The following DSE variants were observed in gnomAD, a reference collection of about 807,000 sequenced individuals.
The protein encoded by DSE is dermatan sulfate epimerase, also known as dermatan-sulfate epimerase.
Under a neutral mutation model 84.4 loss-of-function variants are expected in DSE, and 36 were observed. The observed-to-expected ratio is 0.43, with a 90% CI of 0.33 to 0.56. The LOEUF is 0.56. Among genes scored for constraint, DSE ranks in the 20% least tolerant of loss-of-function variants. The pLI, the probability that DSE is intolerant of heterozygous loss-of-function variation, is 0.06. For synonymous variants in DSE, 410 were observed against 430.1 expected (o/e 0.95, Z 0.58); for missense variants, 862 against 1,169.6 (o/e 0.74, Z 3.84).
chr6:116,279,177 T>C (rs148897156), intron 2 of DSE: 19 of 1,612,726 alleles, frequency 1.2e-5, no homozygotes, highest in Non-Finnish European at 1.6e-5. Context: ...GCCAGGGCCC[T>C]TCTTCCTCCC....
intron 1 of DSE, among the ~76,000 whole-genome samples, chr6:116,384,673 C>T (rs1361440549): frequency 6.6e-6 from 1 of 152,164 alleles, no homozygotes; most frequent in South Asian, 2.1e-4. Context: ...AGCTGTATAA[C>T]TATATGTTTA....
intron 2 of DSE, among the ~76,000 whole-genome samples, chr6:116,269,287 G>A (rs1301219303): frequency 6.6e-6 from 1 of 151,998 alleles, no homozygotes; most frequent in Non-Finnish European, 1.5e-5. Context: ...TTATCATGAA[G>A]GTGAAATGAG....
chr6:116,407,068 T>C (rs1003359504), intron 2 of DSE, among the ~76,000 whole-genome samples: 1 of 152,184 alleles, frequency 6.6e-6, no homozygotes, highest in African/African-American at 2.4e-5. Context: ...TGATCAGATA[T>C]AGGACACTCT....
intron 1 of DSE, among the ~76,000 whole-genome samples, chr6:116,388,644 A>G (rs1018136774): frequency 2.6e-5 from 4 of 152,254 alleles, no homozygotes; most frequent in African/African-American, 4.8e-5. Context: ...ATGTATTTTG[A>G]TTAAACATCA....
At chr6:116,356,869 G>A (rs1249255927) in intron 2 of DSE, among the ~76,000 whole-genome samples, 1 of 152,150 alleles carries the variant, frequency 6.6e-6, no homozygotes, top group African/African-American at 2.4e-5. Flanking sequence ...AGCCCCTGCT[G>A]TAGTCTCTGC....
chr6:116,343,014 G>A (rs535887731), intron 2 of DSE, among the ~76,000 whole-genome samples: 4 of 152,152 alleles, frequency 2.6e-5, no homozygotes, highest in South Asian at 2.1e-4. Flanking sequence ...GCCTGGCTCC[G>A]AGGGTCCCAC....
intron 2 of DSE, among the ~76,000 whole-genome samples, chr6:116,329,422 CTGG>C (rs1776810640): frequency 1.3e-5 from 2 of 152,078 alleles, no homozygotes; most frequent in African/African-American, 4.8e-5. Flanking sequence ...GATGAATTTT[CTGG>C]TGAAGTTATT....
chr6:116,399,073 T>C (rs889823415), intron 1 of DSE, 125 bp from the exon 2 acceptor site: 2 of 811,748 alleles, frequency 2.5e-6, no homozygotes, highest in African/African-American at 1.7e-5. Flanking sequence ...TTTTTTGTTG[T>C]ATTTTTAAAA....
At chr6:116,401,531 T>C (rs1781592144) in intron 2 of DSE, among the ~76,000 whole-genome samples, 1 of 152,164 alleles carries the variant, frequency 6.6e-6, no homozygotes, top group East Asian at 1.9e-4. Flanking sequence ...AAAGTGAACT[T>C]GGCTTAGAAA....
chr6:116,386,634 A>G (rs978067655), intron 1 of DSE, among the ~76,000 whole-genome samples: 25 of 152,332 alleles, frequency 1.6e-4, no homozygotes, highest in African/African-American at 5.8e-4. Flanking sequence ...GACTTCAGCT[A>G]CTCAGACTCC....
Position 116,393,449 on chromosome 6 carries a change from T to C in DSE, c.-53-5749T>C, listed in dbSNP as rs554847. 5.0e-3 allele frequency among the ~76,000 whole-genome samples: 755 copies of C among 152,344 alleles called. 6 individuals carry two copies. The highest frequency in any genetic ancestry group is 0.017 in the African/African-American group (692 of 41,568). ...GTAAAGTATGAAGATTTAGTTTCTT[T>C]CAAATAAAATATTTTATCAATAGGT... On this transcript the variant is annotated intron_variant, in intron 1 of 5. Transcript: ENST00000644252.
chr6:116,376,177 G>C (rs1184009530), intron 1 of DSE, among the ~76,000 whole-genome samples: 1 of 151,954 alleles, frequency 6.6e-6, no homozygotes, highest in Non-Finnish European at 1.5e-5. Context: ...CCCCCTTTCC[G>C]CAGCCCCGTC....
chr6:116,440,901 C>T lies in DSE; in HGVS notation c.*3556C>T, dbSNP rs1784402770. 6.6e-6 allele frequency: 1 copy of T among 152,176 alleles called. No homozygotes were observed. The highest frequency in any genetic ancestry group is 2.4e-5 in the African/African-American group (1 of 41,442). 9.4% of individuals were successfully genotyped at this position (152,176 alleles called of 1,614,324 possible). The stretch of plus-strand genomic sequence containing the variant: ...TAAATCTACAGATGAGGAAAGCAAG[C>T]CTCAAGCAAGGGGGGCCTGATCCTT... On this transcript the variant is annotated 3_prime_UTR_variant, in exon 6 of 6. Transcript: ENST00000644252.
chr6:116,281,851 T>A (rs1440273773), intron 2 of DSE, among the ~76,000 whole-genome samples: 1 of 152,238 alleles, frequency 6.6e-6, no homozygotes, highest in African/African-American at 2.4e-5. Context: ...CTCCTTCCTA[T>A]CTGCCACTGG....
At chr6:116,306,541 T>C (rs1480424068) in intron 2 of DSE, among the ~76,000 whole-genome samples, 2 of 152,214 alleles carry the variant, frequency 1.3e-5, no homozygotes, top group Non-Finnish European at 2.9e-5. Context: ...TCCTGCTGTT[T>C]GCTCTATAAG....
chr6:116,405,650 G>A (rs376030365), intron 2 of DSE, among the ~76,000 whole-genome samples: 8 of 152,216 alleles, frequency 5.3e-5, no homozygotes, highest in East Asian at 3.9e-4. Context: ...TTTTTACAAC[G>A]ATCAAATTAT....
At chr6:116,323,384 C>A (rs184360501) in intron 2 of DSE, among the ~76,000 whole-genome samples, 1 of 152,138 alleles carries the variant, frequency 6.6e-6, no homozygotes, top group African/African-American at 2.4e-5. Context: ...ATTTGGATTT[C>A]TATTTTTTTA....
chr6:116,344,658 G>A (rs1246607209), intron 2 of DSE, among the ~76,000 whole-genome samples: 3 of 151,778 alleles, frequency 2.0e-5, no homozygotes, highest in Admixed American at 1.3e-4. Context: ...AGGAACAACC[G>A]ATATCAGCCA....
In DSE at chr6:116,436,112, G is replaced by C; in HGVS notation, c.1644G>C (p.Gln548His). ...AAGGTGTGGGAGCTTATAACCCCCAGCTCAACCTGAAGAATGTTCAGAGGA... is the reference window on the plus strand; with the variant it reads ...AAGGTGTGGGAGCTTATAACCCCCACCTCAACCTGAAGAATGTTCAGAGGA... Reference protein sequence around the residue: ...RGEGVGAYNPQLNLKNVQRNL... With the variant: ...RGEGVGAYNPHLNLKNVQRNL... Residue 548 changes from glutamine to histidine, a missense_variant, in exon 6 of 6, where the codon CAG (glutamine) becomes CAC (histidine). This residue lies in a region of DSE where 186 missense variants were observed against 255.1 expected (regional missense o/e 0.73). Coordinates refer to ENST00000644252, the MANE Select transcript of DSE (RefSeq NM_013352.4). 6.2e-7 allele frequency: 1 copy of C among 1,612,932 alleles called. No individual in the cohort carries two copies. Among genetic ancestry groups the C allele is most frequent in the Non-Finnish European group, 8.5e-7 (1 of 1,180,010 alleles).
Sources: allele counts gnomAD v4.1 joint callset (sites outside exome capture counted in the v4.1 genomes callset), GRCh38; gene constraint gnomAD v4.1.1; regional missense constraint gnomAD v4.1.1; transcripts MANE v1.5; gene names NCBI Gene and HGNC (gene_info 2026-07-23, HGNC 2026-07-21).